SHISA9: variants seen among roughly 807,000 people sequenced by gnomAD.
SHISA9 encodes the protein shisa family member 9.
SHISA9 carries 13 observed loss-of-function variants against 38.0 expected under a neutral mutation model. That is an observed-to-expected ratio of 0.34 (90% CI 0.22 to 0.54). The LOEUF is 0.54. SHISA9 is among the 20% of genes least tolerant of loss of function. SHISA9 has a pLI of 0.91. For synonymous variants in SHISA9, 275 were observed against 242.0 expected (o/e 1.14, Z -1.27); for missense variants, 538 against 575.8 (o/e 0.93, Z 0.67).
chr16:13,428,377 T>C, the SHISA9 span, among the ~76,000 whole-genome samples: 1 of 152,216 alleles, frequency 6.6e-6, no homozygotes, highest in African/African-American at 2.4e-5. Flanking sequence ...GGAGCCCTCC[T>C]GAATGGATGA....
At chr16:12,927,674 G>A (rs1033719503) in intron 2 of SHISA9, among the ~76,000 whole-genome samples, 1 of 151,700 alleles carries the variant, frequency 6.6e-6, no homozygotes, top group Non-Finnish European at 1.5e-5. Context: ...CTCCCAAAGT[G>A]TTGGGATTAC....
At chr16:13,136,783 T>A (rs186384142) in intron 2 of SHISA9, among the ~76,000 whole-genome samples, 66 of 152,288 alleles carry the variant, frequency 4.3e-4, no homozygotes, top group Admixed American at 2.2e-3. Flanking sequence ...GTCCACACCA[T>A]GTGGAAAAAT....
chr16:13,017,938 C>G (rs1364775973), intron 2 of SHISA9, among the ~76,000 whole-genome samples: 1 of 152,190 alleles, frequency 6.6e-6, no homozygotes, highest in Non-Finnish European at 1.5e-5. Context: ...AAGGAAATCC[C>G]CTCCCACCTG....
chr16:13,163,240 G>T (rs1325278615), intron 2 of SHISA9, among the ~76,000 whole-genome samples: 1 of 152,080 alleles, frequency 6.6e-6, no homozygotes. Context: ...GCCCAGGTTG[G>T]GGGACAAGAT....
intron 2 of SHISA9, among the ~76,000 whole-genome samples, chr16:12,991,055 C>T (rs926996921): frequency 6.6e-5 from 10 of 152,094 alleles, no homozygotes; most frequent in Non-Finnish European, 8.8e-5. Flanking sequence ...TATAAGCCTT[C>T]GTTAATTTGG....
Position 13,235,423 on chromosome 16 carries a change from G to A in SHISA9, c.*14G>A, listed in dbSNP as rs1246859382. 2 of 1,525,098 alleles carry A rather than the reference G, an allele frequency of 1.3e-6. No homozygotes were observed. The highest frequency in any genetic ancestry group is 8.8e-7 in the Non-Finnish European group (1 of 1,140,038). 94.5% of individuals were successfully genotyped at this position (1,525,098 alleles called of 1,614,324 possible). On this transcript the variant is annotated 3_prime_UTR_variant, in exon 5 of 5. Coordinates refer to ENST00000558583, the MANE Select transcript of SHISA9 (RefSeq NM_001145204.3). ...GTGACTGTCTGAGCTTTCACCACAG[G>A]GAGCACCCTGGAGACCACACTCAAC...
At chr16:13,454,703 T>C in the SHISA9 span, among the ~76,000 whole-genome samples, 1 of 152,162 alleles carries the variant, frequency 6.6e-6, no homozygotes, top group South Asian at 2.1e-4. Context: ...GCCCATTATG[T>C]GGTGTTAGGC....
chr16:13,275,945 A>G, the SHISA9 span, among the ~76,000 whole-genome samples: 2 of 151,238 alleles, frequency 1.3e-5, no homozygotes, highest in South Asian at 4.2e-4. Flanking sequence ...TTTTTCCATA[A>G]TTTATTGGGG....
intron 1 of SHISA9, among the ~76,000 whole-genome samples, chr16:12,905,242 G>A (rs1180764028): frequency 9.2e-5 from 14 of 152,194 alleles, no homozygotes; most frequent in Admixed American, 9.2e-4. Context: ...TGGCTCAGGT[G>A]AGGTGCTGTG....
At chr16:13,171,737 C>T (rs929805384) in intron 2 of SHISA9, among the ~76,000 whole-genome samples, 4 of 152,006 alleles carry the variant, frequency 2.6e-5, no homozygotes, top group Admixed American at 6.6e-5. Flanking sequence ...CTGTGTGGGC[C>T]GGGTAAGGAC....
intron 2 of SHISA9, among the ~76,000 whole-genome samples, chr16:12,953,899 TAAAACCATCAGCTC>T (rs1424781821): frequency 6.6e-6 from 1 of 152,118 alleles, no homozygotes; most frequent in African/African-American, 2.4e-5. Flanking sequence ...TGCCACACTT[TAAAACCATCAGCTC>T]TTGTGAGAAC....
At chr16:13,179,874 G>A (rs1001732251) in intron 2 of SHISA9, among the ~76,000 whole-genome samples, 7 of 152,212 alleles carry the variant, frequency 4.6e-5, no homozygotes, top group African/African-American at 1.7e-4. Flanking sequence ...TTTAATTACT[G>A]TGTTGAGAGC....
At chr16:13,131,996 G>T (rs949339763) in intron 2 of SHISA9, among the ~76,000 whole-genome samples, 1 of 152,136 alleles carries the variant, frequency 6.6e-6, no homozygotes, top group African/African-American at 2.4e-5. Context: ...CTTTTTTCCT[G>T]CAAAAACCTA....
the SHISA9 span, among the ~76,000 whole-genome samples, chr16:13,284,396 T>G: frequency 6.6e-6 from 1 of 152,190 alleles, no homozygotes; most frequent in Non-Finnish European, 1.5e-5. Context: ...ATTAACATTT[T>G]CTTTTAGTAT....
chr16:13,254,165 G>A, the SHISA9 span, among the ~76,000 whole-genome samples: 1 of 152,088 alleles, frequency 6.6e-6, no homozygotes, highest in Non-Finnish European at 1.5e-5. Context: ...TATGTGCCAG[G>A]CAATTTGCAT....
intron 4 of SHISA9, among the ~76,000 whole-genome samples, chr16:13,216,905 G>A (rs2051174429): frequency 6.6e-6 from 1 of 152,074 alleles, no homozygotes; most frequent in South Asian, 2.1e-4. Flanking sequence ...CACTGCTATT[G>A]ATCCACCCAC....
the SHISA9 span, among the ~76,000 whole-genome samples, chr16:13,324,276 T>C: frequency 6.6e-6 from 1 of 152,294 alleles, no homozygotes; most frequent in Non-Finnish European, 1.5e-5. Flanking sequence ...TGAATCAGAA[T>C]TGATTACCCT....
chr16:13,225,160 A>T (rs576999059), intron 4 of SHISA9, among the ~76,000 whole-genome samples: 6 of 152,172 alleles, frequency 3.9e-5, no homozygotes, highest in Non-Finnish European at 8.8e-5. Flanking sequence ...AGAGATTGGA[A>T]TGATGTAGCT....
chr16:13,403,648 T>G, the SHISA9 span, among the ~76,000 whole-genome samples: 1 of 152,300 alleles, frequency 6.6e-6, no homozygotes, highest in East Asian at 1.9e-4. Flanking sequence ...GTCATCACAC[T>G]TATGCCTCCA....
Sources: allele counts gnomAD v4.1 joint callset (sites outside exome capture counted in the v4.1 genomes callset), GRCh38; gene constraint gnomAD v4.1.1; transcripts MANE v1.5; gene names NCBI Gene and HGNC (gene_info 2026-07-23, HGNC 2026-07-21).